The following DNAJB4 variants were observed in gnomAD, a reference collection of about 807,000 sequenced individuals.
The protein encoded by DNAJB4 is dnaJ homolog subfamily B member 4.
A neutral mutation model predicts 26.6 loss-of-function variants in DNAJB4; 10 were observed. That is an observed-to-expected ratio of 0.38 (90% confidence interval 0.23 to 0.64). The LOEUF is 0.64. Ranked by LOEUF, DNAJB4 falls within the 30% of genes least tolerant of loss-of-function variation. The pLI is 0.58. For missense variants in DNAJB4, 328 were observed against 408.2 expected, an observed-to-expected ratio of 0.80 and a Z score of 1.69; for synonymous variants, 136 against 134.8, an observed-to-expected ratio of 1.01 and a Z score of -0.06.
Position 77,982,013 on chromosome 1 carries a change from C to T in DNAJB4, c.-32+1691C>T, listed in dbSNP as rs191136839. Among the ~76,000 whole-genome samples, 4 of 152,306 alleles carry T rather than the reference C, an allele frequency of 2.6e-5. No individual in the cohort carries two copies. In the East Asian group the frequency reaches 7.7e-4, roughly 29 times the overall value. ...AGACAACACTCCCAGCTTTCCATTA[C>T]TTTAGGTAATAATGTTAGATTGAAA... On this transcript the variant is annotated intron_variant, in intron 1 of 2. Transcript: ENST00000426517.
At chr1:78,009,946 A>G (rs1660425733) in intron 1 of DNAJB4, among the ~76,000 whole-genome samples, 1 of 151,646 alleles carries the variant, frequency 6.6e-6, no homozygotes, top group African/African-American at 2.4e-5. Flanking sequence ...CATTCATTAG[A>G]GTAGCTTCGT....
chr1:78,012,655 C>T (rs113849492), intron 1 of DNAJB4, among the ~76,000 whole-genome samples: 74 of 151,980 alleles, frequency 4.9e-4, no homozygotes, highest in Middle Eastern at 3.4e-3. Flanking sequence ...ACTAAAAATA[C>T]AAAATTAGCC....
At chr1:77,994,165 G>A (rs1489701430) in intron 1 of DNAJB4, among the ~76,000 whole-genome samples, 1 of 152,138 alleles carries the variant, frequency 6.6e-6, no homozygotes, top group Non-Finnish European at 1.5e-5. Context: ...ACTTTGGGAG[G>A]CGGAGGTGGG....
At chr1:77,997,086 A>T (rs1660078773) in intron 1 of DNAJB4, among the ~76,000 whole-genome samples, 1 of 152,224 alleles carries the variant, frequency 6.6e-6, no homozygotes, top group African/African-American at 2.4e-5. Flanking sequence ...ATGGACACTT[A>T]AGAAATGAAG....
At chr1:77,998,616 G>T (rs1020801475) in intron 1 of DNAJB4, among the ~76,000 whole-genome samples, 33 of 152,236 alleles carry the variant, frequency 2.2e-4, no homozygotes, top group African/African-American at 7.0e-4. Context: ...AAAATGGGTG[G>T]ATCGCTTAAG....
At chr1:77,999,387 TAA>T (rs1660138139) in intron 1 of DNAJB4, among the ~76,000 whole-genome samples, 1 of 151,888 alleles carries the variant, frequency 6.6e-6, no homozygotes, top group Non-Finnish European at 1.5e-5. Context: ...TTATAAACTG[TAA>T]AGTATTATAT....
In DNAJB4 at chr1:78,017,589, A is replaced by G. The variant is rs1660673372; in HGVS notation, c.*1342A>G. On this transcript the variant is annotated 3_prime_UTR_variant, in exon 3 of 3. Transcript: ENST00000370763. ...GTGATATTTACAAAGTGGTACAATC[A>G]TCATCACTTTCTAATTCCAGAATAT... The G allele has an allele frequency of 1.3e-5, 2 of 152,090 alleles. No individual in the cohort carries two copies. The highest frequency in any genetic ancestry group is 4.1e-4 in the South Asian group (2 of 4,832). The allele number at this position is 152,090 out of a possible 1,614,324, so 9.4% of individuals were successfully genotyped here. A position where few individuals can be genotyped will look rare whatever the true frequency, so the allele number is the denominator to read the frequency against.
chr1:78,011,186 T>C (rs1660462790), intron 1 of DNAJB4, among the ~76,000 whole-genome samples: 3 of 152,202 alleles, frequency 2.0e-5, no homozygotes, highest in Non-Finnish European at 4.4e-5. Context: ...TTTTGTGGGT[T>C]AAATATTACT....
intron 1 of DNAJB4, among the ~76,000 whole-genome samples, chr1:77,996,454 T>C (rs932219776): frequency 6.6e-6 from 1 of 152,168 alleles, no homozygotes; most frequent in Non-Finnish European, 1.5e-5. Flanking sequence ...TGCACCTGGC[T>C]GATTTATTTT....
chr1:78,008,695 C>G (rs1214288254), intron 1 of DNAJB4, among the ~76,000 whole-genome samples: 1 of 152,038 alleles, frequency 6.6e-6, no homozygotes, highest in African/African-American at 2.4e-5. Context: ...TTACTATAAT[C>G]AATTGAATTG....
In DNAJB4 at chr1:78,013,415, T is replaced by G. The variant is rs1660548396; in HGVS notation, c.576T>G (p.Ser192Arg). 1.2e-6 allele frequency: 2 copies of G among 1,613,944 alleles called. No individual in the cohort carries two copies. Among genetic ancestry groups the G allele is most frequent in the Non-Finnish European group, 8.5e-7 (1 of 1,179,986 alleles). The change falls in exon 2 of 3, where the codon AGT becomes AGG. Residue 192 changes from serine (S) to arginine (R), a missense_variant. Ser to Arg is a moderately radical substitution (Grantham distance 110, BLOSUM62 -1). Coordinates refer to ENST00000370763, the MANE Select transcript of DNAJB4 (RefSeq NM_007034.5). ...SRKRLNADGR[S>R]YRSEDKILTI... ...AAAGGCTAAACGCTGATGGAAGGAG[T>G]TACAGATCTGAGGACAAAATTCTTA... is the stretch of plus-strand genomic sequence containing the variant.
intron 1 of DNAJB4, among the ~76,000 whole-genome samples, chr1:77,994,035 G>C (rs544412634): frequency 1.6e-4 from 24 of 152,118 alleles, no homozygotes; most frequent in Admixed American, 6.6e-5. Flanking sequence ...CAGTGGTTTC[G>C]TGATTATGTT....
Position 78,017,297 on chromosome 1 carries a change from ATATT to A in DNAJB4, c.*1054_*1057del, listed in dbSNP as rs1173162808. The A allele has an allele frequency of 2.0e-5, 3 of 151,902 alleles. No homozygotes were observed. Among genetic ancestry groups the A allele is most frequent in the Non-Finnish European group, 4.4e-5 (3 of 67,904 alleles). The allele number at this position is 151,902 out of a possible 1,614,324, so 9.4% of individuals were successfully genotyped here. On this transcript the variant is annotated 3_prime_UTR_variant, in exon 3 of 3. Coordinates refer to ENST00000370763, the MANE Select transcript of DNAJB4 (RefSeq NM_007034.5). ...TCTTAGGTGTTTTAATTTTTTAAATATATTTATGTTTTAAAAATTTAGTTTTGTT... is the reference window on the plus strand; with the variant it reads ...TCTTAGGTGTTTTAATTTTTTAAATATATGTTTTAAAAATTTAGTTTTGTT...
chr1:78,001,359 AT>A (rs763037044), upstream of DNAJB4, among the ~76,000 whole-genome samples: 3 of 143,166 alleles, frequency 2.1e-5, no homozygotes, highest in Non-Finnish European at 3.1e-5. Context: ...AAAAAAAAAA[AT>A]TTAGGACTAA....
chr1:77,988,941 T>C (rs1016444904), intron 1 of DNAJB4, among the ~76,000 whole-genome samples: 7 of 152,184 alleles, frequency 4.6e-5, no homozygotes, highest in Admixed American at 3.9e-4. Flanking sequence ...TTCATTCTGG[T>C]TTCAGCTGGG....
chr1:77,990,920 T>C (rs1257211631), intron 1 of DNAJB4, among the ~76,000 whole-genome samples: 1 of 152,226 alleles, frequency 6.6e-6, no homozygotes, highest in Non-Finnish European at 1.5e-5. Context: ...AAACGCCTTG[T>C]TCTAGAAATA....
chr1:78,010,660 A>G (rs1487297070), intron 1 of DNAJB4, among the ~76,000 whole-genome samples: 1 of 152,228 alleles, frequency 6.6e-6, no homozygotes, highest in Non-Finnish European at 1.5e-5. Flanking sequence ...GTTAGATGAA[A>G]TAGAGTAGAT....
At chr1:78,005,527 A>G (rs1660310703) in intron 1 of DNAJB4, among the ~76,000 whole-genome samples, 1 of 152,206 alleles carries the variant, frequency 6.6e-6, no homozygotes, top group African/African-American at 2.4e-5. Flanking sequence ...AGAGCCATGA[A>G]TGAAATGTCC....
rs78559842 is a variant in DNAJB4, at chr1:77,986,171, G to A, written c.-32+5849G>A. ...GATTCTTGTGCTCTGTTTATATCTTGGGGTAAAGACTTCAAGCTTCTGGCC... is the reference window on the plus strand; with the variant it reads ...GATTCTTGTGCTCTGTTTATATCTTAGGGTAAAGACTTCAAGCTTCTGGCC... On this transcript the variant is annotated intron_variant, in intron 1 of 2. Coordinates refer to the DNAJB4 transcript ENST00000426517. 1.3e-3 allele frequency among the ~76,000 whole-genome samples: 200 copies of A among 152,186 alleles called. 1 individual carries two copies. Among genetic ancestry groups the A allele is most frequent in the African/African-American group, 4.7e-3 (196 of 41,528 alleles).
Sources: allele counts gnomAD v4.1 joint callset (sites outside exome capture counted in the v4.1 genomes callset), GRCh38; gene constraint gnomAD v4.1.1; transcripts MANE v1.5; gene names NCBI Gene and HGNC (gene_info 2026-07-23, HGNC 2026-07-21).